Variants in BCAN observed in about 807,000 individuals in gnomAD.
The protein encoded by BCAN is brevican core protein.
BCAN carries 51 observed loss-of-function variants against 92.4 expected under a neutral mutation model. The observed-to-expected ratio is 0.55, with a 90% confidence interval of 0.44 to 0.70. The LOEUF (loss-of-function observed/expected upper bound fraction) is 0.70. BCAN is among the 30% of genes least tolerant of loss of function. BCAN has a pLI of 0.00. For missense variants in BCAN, 1,140 were observed against 1,212.1 expected (o/e 0.94, Z 0.88); for synonymous variants, 501 against 505.2 (o/e 0.99, Z 0.11).
chr1:156,646,569 C>T (rs949214061), intron 2 of BCAN: 5 of 642,590 alleles, frequency 7.8e-6, no homozygotes, highest in Non-Finnish European at 1.2e-5. Context: ...ATCCTGGGGG[C>T]TGAATTGACT....
intron 8 of BCAN, among the ~76,000 whole-genome samples, chr1:156,654,646 C>T (rs1247067617): frequency 6.6e-6 from 1 of 152,070 alleles, no homozygotes; most frequent in Non-Finnish European, 1.5e-5. Context: ...GGGTAGGGGA[C>T]CAAAGACCAA....
rs1476862418 is a variant in BCAN at position 156,646,815 on chromosome 1, C to T, written c.106C>T (p.Arg36Cys). 4 of 1,567,064 alleles carry T rather than the reference C, an allele frequency of 2.6e-6. No homozygotes were observed. Among genetic ancestry groups the T allele is most frequent in the Non-Finnish European group, 3.5e-6 (4 of 1,156,922 alleles). The change falls in exon 3 of 14, where the codon CGC becomes TGC. Residue 36 changes from arginine to cysteine, a missense_variant. By Grantham distance (180) the Arg-to-Cys change is radical. Coordinates refer to ENST00000329117, the MANE Select transcript of BCAN (RefSeq NM_021948.5). ...CCCGTTCACAGAGGACCGCGCTTTTCGCGTGCGCATCGCGGGCGACGCGCC... is the reference window on the plus strand; with the variant it reads ...CCCGTTCACAGAGGACCGCGCTTTTTGCGTGCGCATCGCGGGCGACGCGCC... Reference protein sequence around the residue: ...EGDSSEDRAFRVRIAGDAPLQ... With the variant: ...EGDSSEDRAFCVRIAGDAPLQ...
At chr1:156,645,908 C>A in intron 1 of BCAN, 139 bp from the exon 2 acceptor site, 1 of 596,900 alleles carries the variant, frequency 1.7e-6, no homozygotes, top group Non-Finnish European at 2.8e-6. Context: ...GGATCAGAAA[C>A]AGAGAGTCCA....
intron 8 of BCAN, chr1:156,653,272 G>A (rs576390873): frequency 2.9e-5 from 34 of 1,158,478 alleles, no homozygotes; most frequent in Middle Eastern, 7.1e-4. Flanking sequence ...CCCTTCATCC[G>A]CCTGTGTGCC....
chr1:156,657,556 AGGGC>A (rs1343002337), intron 10 of BCAN, 115 bp from the exon 11 acceptor site: 26 of 747,276 alleles, frequency 3.5e-5, no homozygotes, highest in Non-Finnish European at 5.0e-5. Context: ...GAACCCGACA[AGGGC>A]GGGTGCTGGA....
chr1:156,655,399 A>G (rs966880176), intron 8 of BCAN, among the ~76,000 whole-genome samples: 4 of 152,180 alleles, frequency 2.6e-5, no homozygotes, highest in Non-Finnish European at 4.4e-5. Flanking sequence ...AGCCAGAAGG[A>G]GGGATTGAGA....
At chr1:156,643,504 A>T (rs1160058197) in intron 1 of BCAN, 5 of 152,048 alleles carry the variant, frequency 3.3e-5, no homozygotes. Context: ...GACCCTGCTG[A>T]GTGCTGGAGC....
chr1:156,656,626 C>A, intron 9 of BCAN: 2 of 478,362 alleles, frequency 4.2e-6, no homozygotes, highest in Non-Finnish European at 7.4e-6. Flanking sequence ...GGCATTTAAT[C>A]GGTGGTCAAT....
At chr1:156,657,811 T>C (rs1269881555) in intron 11 of BCAN, 54 bp downstream of exon 11, 9 of 1,482,584 alleles carry the variant, frequency 6.1e-6, no homozygotes, top group Non-Finnish European at 7.4e-6. Context: ...TAAGCACTTC[T>C]GTTCCCTACC....
In BCAN at chr1:156,652,348, G is replaced by A; in HGVS notation, c.1398G>A (p.Glu466=). The change falls in exon 8 of 14, where the codon GAG becomes GAA. Residue 466 remains glutamate (E), a synonymous_variant. Coordinates refer to ENST00000329117, the MANE Select transcript of BCAN (RefSeq NM_021948.5). ...AATATGAAGATGAAGAAGAGAAAGAGGAGGAAGAAGAAGAGGAGGAGGTGG... is the reference window on the plus strand; with the variant it reads ...AATATGAAGATGAAGAAGAGAAAGAAGAGGAAGAAGAAGAGGAGGAGGTGG... ...EEKYEDEEEK[E]EEEEEEEVED... is the part of the protein sequence containing the mutation. 1.2e-6 allele frequency: 2 copies of A among 1,613,988 alleles called. No homozygotes were observed. Among genetic ancestry groups the A allele is most frequent in the Non-Finnish European group, 1.7e-6 (2 of 1,179,902 alleles).
chr1:156,655,221 C>T (rs930513607), intron 8 of BCAN, among the ~76,000 whole-genome samples: 12 of 152,334 alleles, frequency 7.9e-5, no homozygotes, highest in Non-Finnish European at 5.9e-5. Context: ...ACTGACAGCT[C>T]CTGTAGCACC....
In BCAN at chr1:156,647,871, C is replaced by T; in HGVS notation, c.642-112C>T. 6.4e-7 allele frequency: 1 copy of T among 1,558,156 alleles called. No individual in the cohort carries two copies. Among genetic ancestry groups the T allele is most frequent in the South Asian group, 1.1e-5 (1 of 89,384 alleles). ...ATCCCTGCAGTGCTAGAAGGACAGC[C>T]AGCTGTCAGCAAGTGTCTGCACTGT... is the stretch of plus-strand genomic sequence containing the variant. On this transcript the variant is annotated intron_variant, in intron 4 of 13. Coordinates refer to ENST00000329117, the MANE Select transcript of BCAN (RefSeq NM_021948.5). The surrounding 1 kb of genome is among the most constrained non-coding windows in gnomAD (Gnocchi z 4.8).
chr1:156,656,365 T>C lies in BCAN; in HGVS notation c.2026T>C (p.Tyr676His). ...EGVRCLCLPG[Y>H]GGDLCDVGLR... is the part of the protein sequence containing the mutation. The stretch of plus-strand genomic sequence containing the variant: ...GGTCCGCTGCCTATGTCTGCCTGGC[T>C]ATGGGGGGGACCTGTGCGATGTTGG... The change falls in exon 9 of 14, where the codon TAT becomes CAT. Residue 676 changes from tyrosine (Y) to histidine (H), a missense_variant. Physicochemically the swap from Tyr to His is moderately conservative, Grantham distance 83. Coordinates refer to ENST00000329117, the MANE Select transcript of BCAN (RefSeq NM_021948.5). 7.2e-7 allele frequency: 1 copy of C among 1,390,432 alleles called. No individual in the cohort carries two copies. Among genetic ancestry groups the C allele is most frequent in the Non-Finnish European group, 9.3e-7 (1 of 1,071,438 alleles). 86.1% of individuals were successfully genotyped at this position (1,390,432 alleles called of 1,614,324 possible).
In BCAN at chr1:156,659,438, C is replaced by A; in HGVS notation, c.*304C>A. On this transcript the variant is annotated 3_prime_UTR_variant, in exon 14 of 14. Coordinates refer to ENST00000329117, the MANE Select transcript of BCAN (RefSeq NM_021948.5). ...CTATTCCTCTAGGGAGCACTGTGCC[C>A]ACTCTTTCTGGGTTTTCCAAGGGAA... 1 of 357,496 alleles carries A rather than the reference C, an allele frequency of 2.8e-6. No individual in the cohort carries two copies. The highest frequency in any genetic ancestry group is 5.0e-6 in the Non-Finnish European group (1 of 199,368). 22.1% of individuals were successfully genotyped at this position (357,496 alleles called of 1,614,324 possible). A position where few individuals can be genotyped will look rare whatever the true frequency, so the allele number is the denominator to read the frequency against.
In BCAN at chr1:156,648,118, GGAGT is replaced by G; in HGVS notation, c.769+12_769+15del. 1 of 1,609,282 alleles carries G rather than the reference GGAGT, an allele frequency of 6.2e-7. No individual in the cohort carries two copies. The highest frequency in any genetic ancestry group is 8.5e-7 in the Non-Finnish European group (1 of 1,175,974). ...ATGCTGAAGACCTAAATGGTGATTA[GGAGT>G]GAGAGGTTCCCAGGGGACAATTTCC... is the stretch of plus-strand genomic sequence containing the variant. On this transcript the variant is annotated intron_variant, in intron 5 of 13. Transcript: ENST00000329117.
chr1:156,657,899 G>T, intron 11 of BCAN, 142 bp downstream of exon 11: 1 of 824,960 alleles, frequency 1.2e-6, no homozygotes, highest in Non-Finnish European at 1.8e-6. Flanking sequence ...TCTTCTCCCT[G>T]GGCTCTCCTC....
At position 156,647,050 on chromosome 1, in the gene BCAN, CA is replaced by C. The variant is rs1240847277; in HGVS notation, c.342del (p.Ala115ArgfsTer10). ...YRFRVALPAY[P>X]ASLTDVSLAL... ...TTCCGCGTGGCACTGCCTGCGTACC[CA>C]GCGTCGCTCACCGACGTCTCCCTGG... On this transcript the variant is annotated frameshift_variant, in exon 3 of 14. Coordinates refer to ENST00000329117, the MANE Select transcript of BCAN (RefSeq NM_021948.5). LOFTEE classifies it high-confidence loss of function. The surrounding 1 kb of genome is among the most constrained non-coding windows in gnomAD (Gnocchi z 4.8). The C allele has an allele frequency of 1.2e-6, 2 of 1,611,600 alleles. No individual in the cohort carries two copies. The highest frequency in any genetic ancestry group is 1.7e-6 in the Non-Finnish European group (2 of 1,178,494).
At chr1:156,648,410 C>G (rs945629263) in intron 5 of BCAN, among the ~76,000 whole-genome samples, 158 bp from the exon 6 acceptor site, 1 of 152,116 alleles carries the variant, frequency 6.6e-6, no homozygotes, top group Non-Finnish European at 1.5e-5. Context: ...TAATATCCAT[C>G]TTGAGGTTCT....
At chr1:156,655,709 C>A (rs1022528389) in intron 8 of BCAN, among the ~76,000 whole-genome samples, 1 of 152,142 alleles carries the variant, frequency 6.6e-6, no homozygotes, top group Non-Finnish European at 1.5e-5. Flanking sequence ...TAGTATTCAC[C>A]TGGACCACAC....
Sources: gnomAD v4.1 joint callset for allele counts (sites outside exome capture counted in the v4.1 genomes callset) on GRCh38, gnomAD v4.1.1 for gene constraint, Gnocchi (gnomAD v3.1) non-coding constraint, MANE v1.5 for transcripts, NCBI Gene and HGNC (gene_info 2026-07-23, HGNC 2026-07-21) for gene names.